The following TBC1D22A variants were observed in gnomAD, a reference collection of about 807,000 sequenced individuals.
TBC1D22A encodes putative GTPase activator.
TBC1D22A carries 38 observed loss-of-function variants against 60.2 expected under a neutral mutation model. The observed-to-expected ratio is 0.63, with a 90% confidence interval of 0.49 to 0.83. The LOEUF (loss-of-function observed/expected upper bound fraction) is 0.83, where lower values mean the gene tolerates loss of function less well. TBC1D22A is among the 40% of genes least tolerant of loss of function. The pLI is 0.00. For missense variants in TBC1D22A, 628 were observed against 701.0 expected (o/e 0.90, Z 1.18); for synonymous variants, 302 against 281.7 (o/e 1.07, Z -0.72).
chr22:46,803,102 G>A (rs710120), intron 4 of TBC1D22A, among the ~76,000 whole-genome samples: 96,497 of 151,746 alleles, frequency 0.64, 30,771 homozygotes, highest in Middle Eastern at 0.72. Context: ...AGCCACTGGG[G>A]GCCTTCACTC....
chr22:46,827,186 C>T (rs2086106392), intron 4 of TBC1D22A, among the ~76,000 whole-genome samples: 1 of 152,182 alleles, frequency 6.6e-6, no homozygotes, highest in African/African-American at 2.4e-5. Context: ...TCCCGGGTCC[C>T]ATGGCGCCCC....
chr22:46,784,939 A>G (rs2084095858), intron 1 of TBC1D22A, among the ~76,000 whole-genome samples: 1 of 152,086 alleles, frequency 6.6e-6, no homozygotes, highest in Non-Finnish European at 1.5e-5. Context: ...TAAGTGTTGG[A>G]GCTGGGCCTT....
intron 12 of TBC1D22A, among the ~76,000 whole-genome samples, chr22:47,125,156 TC>T (rs889518621): frequency 1.7e-4 from 26 of 152,000 alleles, no homozygotes; most frequent in African/African-American, 5.5e-4. Flanking sequence ...CCCCATTGAG[TC>T]CCCGAGTCCC....
intron 11 of TBC1D22A, among the ~76,000 whole-genome samples, chr22:47,073,348 A>G (rs2147520356): frequency 6.6e-6 from 1 of 152,322 alleles, no homozygotes; most frequent in East Asian, 1.9e-4. Context: ...TAACATAGTA[A>G]CACTCTGCCT....
intron 12 of TBC1D22A, among the ~76,000 whole-genome samples, chr22:47,154,423 G>T (rs574124498): frequency 6.6e-6 from 1 of 152,146 alleles, no homozygotes; most frequent in Non-Finnish European, 1.5e-5. Context: ...ACACTGTCAT[G>T]GCCTGGAAAT....
At chr22:47,112,308 G>C (rs2065879701) in intron 12 of TBC1D22A, among the ~76,000 whole-genome samples, 1 of 152,214 alleles carries the variant, frequency 6.6e-6, no homozygotes, top group Non-Finnish European at 1.5e-5. Context: ...TGTTCACCCA[G>C]CAGAGGGCTC....
chr22:46,822,323 G>T (rs1224171540), intron 4 of TBC1D22A, among the ~76,000 whole-genome samples: 1 of 147,852 alleles, frequency 6.8e-6, no homozygotes, highest in Non-Finnish European at 1.5e-5. Flanking sequence ...GAGGCACTCT[G>T]GCCTTTTGGG....
intron 8 of TBC1D22A, among the ~76,000 whole-genome samples, chr22:46,918,641 A>G (rs1050628262): frequency 7.2e-5 from 11 of 152,202 alleles, no homozygotes; most frequent in African/African-American, 2.7e-4. Flanking sequence ...ATGGAGACTG[A>G]AAATTGGTCA....
At chr22:47,132,564 C>T (rs1356121635) in intron 12 of TBC1D22A, among the ~76,000 whole-genome samples, 1 of 152,240 alleles carries the variant, frequency 6.6e-6, no homozygotes, top group Non-Finnish European at 1.5e-5. Flanking sequence ...CTGCCTCCGA[C>T]CCCACAGGAC....
In TBC1D22A at chr22:46,918,725, C is replaced by G. The variant is rs564021906; in HGVS notation, c.1015+6537C>G. Among the ~76,000 whole-genome samples the G allele has an allele frequency of 1.5e-3, 236 of 152,352 alleles. 1 individual carries two copies. The highest frequency in any genetic ancestry group is 3.4e-3 in the Middle Eastern group (1 of 294). ...AAGAATAGTGGCAAGCAAACTGTCA[C>G]ATCAGCTCCCTGCCCTCCCTCAGAA... is the stretch of plus-strand genomic sequence containing the variant. On this transcript the variant is annotated intron_variant, in intron 8 of 12. Transcript: ENST00000337137.
chr22:47,008,228 A>G (rs991251551), intron 10 of TBC1D22A, among the ~76,000 whole-genome samples: 33 of 152,198 alleles, frequency 2.2e-4, no homozygotes, highest in African/African-American at 8.0e-4. Flanking sequence ...ACGAAATGAG[A>G]TCCTTCCAAT....
At chr22:46,953,114 AGAAATTATTTG>A (rs1395501225) in intron 8 of TBC1D22A, among the ~76,000 whole-genome samples, 1 of 151,476 alleles carries the variant, frequency 6.6e-6, no homozygotes, top group East Asian at 1.9e-4. Flanking sequence ...GAGCATGTTC[AGAAATTATTTG>A]GAATTTTTTT....
intron 9 of TBC1D22A, among the ~76,000 whole-genome samples, chr22:46,993,357 C>A (rs2075014014): frequency 6.6e-6 from 1 of 152,076 alleles, no homozygotes; most frequent in South Asian, 2.1e-4. Flanking sequence ...TGTCTTCAGC[C>A]CTTCCTCTCT....
intron 11 of TBC1D22A, among the ~76,000 whole-genome samples, chr22:47,089,246 A>T (rs2064821059): frequency 6.6e-6 from 1 of 152,248 alleles, no homozygotes; most frequent in Non-Finnish European, 1.5e-5. Context: ...ATGTAATAAT[A>T]GGCTTGTGAT....
At chr22:47,053,742 T>G (rs544082631) in intron 11 of TBC1D22A, among the ~76,000 whole-genome samples, 2 of 152,382 alleles carry the variant, frequency 1.3e-5, no homozygotes, top group Admixed American at 6.5e-5. Context: ...TCACATTCAC[T>G]GGCGTTGGCT....
At chr22:46,932,154 T>G (rs1465737857) in intron 8 of TBC1D22A, among the ~76,000 whole-genome samples, 2 of 152,236 alleles carry the variant, frequency 1.3e-5, no homozygotes, top group South Asian at 4.1e-4. Context: ...TGGTGACTAG[T>G]GGCGGGTTCA....
intron 9 of TBC1D22A, among the ~76,000 whole-genome samples, chr22:46,977,507 G>T (rs573188482): frequency 2.5e-4 from 38 of 152,002 alleles, no homozygotes; most frequent in South Asian, 2.3e-3. Context: ...GGGAGAGGAG[G>T]CTCTTAGCCC....
intron 5 of TBC1D22A, among the ~76,000 whole-genome samples, chr22:46,886,195 G>A (rs1033864455): frequency 3.3e-5 from 5 of 152,156 alleles, no homozygotes; most frequent in Non-Finnish European, 7.3e-5. Context: ...CGCCGCGCCC[G>A]GCCAGTCACT....
chr22:47,057,446 C>T (rs1005465149), intron 11 of TBC1D22A, among the ~76,000 whole-genome samples: 81 of 152,174 alleles, frequency 5.3e-4, no homozygotes, highest in African/African-American at 1.8e-3. Flanking sequence ...ACTTTCTTTC[C>T]GGGAGCCGTG....
Sources: allele counts gnomAD v4.1 joint callset (sites outside exome capture counted in the v4.1 genomes callset), GRCh38; gene constraint gnomAD v4.1.1; transcripts MANE v1.5; gene names NCBI Gene and HGNC (gene_info 2026-07-23, HGNC 2026-07-21).